The following VPS37A variants were observed in gnomAD, a reference collection of about 807,000 sequenced individuals.
VPS37A encodes the protein VPS37A subunit of ESCRT-I.
Under a neutral mutation model 49.8 loss-of-function variants are expected in VPS37A, and 30 were observed. The observed-to-expected ratio is 0.60, with a 90% CI of 0.45 to 0.82. The LOEUF (loss-of-function observed/expected upper bound fraction) is 0.82. VPS37A is among the 40% of genes least tolerant of loss of function. The pLI, the probability that VPS37A is intolerant of heterozygous loss-of-function variation, is 0.00. For synonymous variants in VPS37A, 195 were observed against 160.6 expected (o/e 1.21, Z -1.62); for missense variants, 593 against 464.4 (o/e 1.28, Z -2.55).
intron 9 of VPS37A, among the ~76,000 whole-genome samples, chr8:17,283,759 C>G (rs766862963): frequency 6.6e-6 from 1 of 152,118 alleles, no homozygotes; most frequent in African/African-American, 2.4e-5. Flanking sequence ...TTGTTAGTAA[C>G]TTGACATGAG....
At chr8:17,307,707 T>G in the VPS37A span, among the ~76,000 whole-genome samples, 1 of 152,124 alleles carries the variant, frequency 6.6e-6, no homozygotes, top group Non-Finnish European at 1.5e-5. Flanking sequence ...TATGCAGCCA[T>G]AAAAAATGAT....
At chr8:17,287,764 A>G (rs1290437238) in intron 11 of VPS37A, among the ~76,000 whole-genome samples, 1 of 152,172 alleles carries the variant, frequency 6.6e-6, no homozygotes, top group Non-Finnish European at 1.5e-5. Flanking sequence ...ATGGAGATAA[A>G]CAAGAGTCCC....
chr8:17,269,700 T>A (rs879407437), intron 4 of VPS37A, among the ~76,000 whole-genome samples: 2 of 152,180 alleles, frequency 1.3e-5, no homozygotes, highest in African/African-American at 4.8e-5. Context: ...ATCCTGGGAT[T>A]TTCCCTTTGC....
At chr8:17,290,531 C>G (rs1007530425) in intron 11 of VPS37A, among the ~76,000 whole-genome samples, 5 of 152,182 alleles carry the variant, frequency 3.3e-5, no homozygotes, top group African/African-American at 1.2e-4. Flanking sequence ...ATGAAGCCAA[C>G]TTGATCGTGG....
intron 4 of VPS37A, among the ~76,000 whole-genome samples, chr8:17,271,090 T>A: frequency 6.6e-6 from 1 of 152,166 alleles, no homozygotes; most frequent in Admixed American, 6.5e-5. Flanking sequence ...GTTTTTTTTA[T>A]TAAGACTTAG....
At chr8:17,299,718 G>T, downstream of VPS37A, 1 of 1,098,784 alleles carries the variant, frequency 9.1e-7, no homozygotes, top group Non-Finnish European at 1.3e-6. Flanking sequence ...CAAGAACTGG[G>T]CACTTTTTTC....
intron 4 of VPS37A, 92 bp downstream of exon 4, chr8:17,269,048 A>C: frequency 1.1e-6 from 1 of 901,668 alleles, no homozygotes; most frequent in South Asian, 1.8e-5. Context: ...GTTAAAAATC[A>C]GTCCTCTGAT....
At chr8:17,307,728 C>G in the VPS37A span, among the ~76,000 whole-genome samples, 1 of 152,138 alleles carries the variant, frequency 6.6e-6, no homozygotes, top group Admixed American at 6.5e-5. Context: ...GAGTTCATTT[C>G]CTTTGTAGGG....
chr8:17,302,219 CTG>C, downstream of VPS37A: 1 of 1,614,104 alleles, frequency 6.2e-7, no homozygotes, highest in East Asian at 2.2e-5. Flanking sequence ...ATTAGGTAAT[CTG>C]TAACTGACTG....
At chr8:17,289,478 T>G (rs965212237) in intron 11 of VPS37A, among the ~76,000 whole-genome samples, 2 of 152,156 alleles carry the variant, frequency 1.3e-5, no homozygotes, top group Non-Finnish European at 2.9e-5. Flanking sequence ...CCCCATTGCT[T>G]TTGTCAGGTT....
At chr8:17,288,077 G>T (rs1036468467) in intron 11 of VPS37A, among the ~76,000 whole-genome samples, 1 of 152,078 alleles carries the variant, frequency 6.6e-6, no homozygotes, top group Non-Finnish European at 1.5e-5. Flanking sequence ...ATTCCTTAAG[G>T]GTAGGGGCTG....
chr8:17,246,998 T>A lies in VPS37A; in HGVS notation c.-247T>A, dbSNP rs1811275004. On this transcript the variant is annotated 5_prime_UTR_variant, in exon 1 of 12. Coordinates refer to ENST00000324849, the MANE Select transcript of VPS37A (RefSeq NM_152415.3). ...TCCCTGGCTGGCCGGTTTGGGCGTC[T>A]GGGCCGTGAAGGTGGGACCTCCTGT... 1.9e-6 allele frequency: 1 copy of A among 535,848 alleles called. No individual in the cohort carries two copies. Among genetic ancestry groups the A allele is most frequent in the Admixed American group, 3.4e-5 (1 of 29,794 alleles). The allele number at this position is 535,848 out of a possible 1,614,324, so 33.2% of individuals were successfully genotyped here.
chr8:17,285,000 G>A (rs1815448599), intron 10 of VPS37A, among the ~76,000 whole-genome samples: 1 of 152,132 alleles, frequency 6.6e-6, no homozygotes. Context: ...CTGGTCAGAA[G>A]GGGGCTCTTC....
At chr8:17,330,322 C>T in the VPS37A span, among the ~76,000 whole-genome samples, 1 of 152,352 alleles carries the variant, frequency 6.6e-6, no homozygotes, top group East Asian at 1.9e-4. Context: ...AGCTCCAGCT[C>T]TCCAGGGCTT....
At chr8:17,308,219 A>G in the VPS37A span, among the ~76,000 whole-genome samples, 10 of 152,066 alleles carry the variant, frequency 6.6e-5, no homozygotes, top group African/African-American at 2.2e-4. Flanking sequence ...TTTCCTTATC[A>G]AACAATTATC....
At position 17,284,578 on chromosome 8, in the gene VPS37A, A is replaced by G; in HGVS notation, c.1075A>G (p.Ile359Val). 6.2e-7 allele frequency: 1 copy of G among 1,601,078 alleles called. No individual in the cohort carries two copies. ...AGACTTCTTGGAGGGAAAGATGGAA[A>G]TAGATGATTTTCTCAGTAGCTTCAT... ...AEDFLEGKME[I>V]DDFLSSFMEK... Residue 359 changes from isoleucine to valine, a missense_variant, in exon 10 of 12, where the codon ATA becomes GTA. Ile to Val is a conservative substitution (Grantham distance 29). Transcript: ENST00000324849.
chr8:17,286,482 T>C, intron 11 of VPS37A, 55 bp downstream of exon 11: 1 of 1,506,236 alleles, frequency 6.6e-7, no homozygotes, highest in Non-Finnish European at 9.2e-7. Flanking sequence ...GTTCTTTAAA[T>C]AGACATGTTG....
intron 1 of VPS37A, 51 bp downstream of exon 1, chr8:17,247,420 G>T: frequency 2.4e-6 from 1 of 411,576 alleles, no homozygotes; most frequent in Non-Finnish European, 4.9e-6. Flanking sequence ...TGGGAGGGCG[G>T]GCTTGTCCTA....
intron 11 of VPS37A, among the ~76,000 whole-genome samples, chr8:17,287,450 G>T (rs1815712595): frequency 6.6e-6 from 1 of 151,886 alleles, no homozygotes; most frequent in African/African-American, 2.4e-5. Context: ...CGAGGCGTGT[G>T]GATCACATGG....
Sources: allele counts gnomAD v4.1 joint callset (sites outside exome capture counted in the v4.1 genomes callset), GRCh38; gene constraint gnomAD v4.1.1; transcripts MANE v1.5; gene names NCBI Gene and HGNC (gene_info 2026-07-23, HGNC 2026-07-21).